Variants in DLG2 observed in about 807,000 individuals in gnomAD.
DLG2 encodes the protein discs large MAGUK scaffold protein 2, also known as disks large homolog 2.
A neutral mutation model predicts 132.5 loss-of-function variants in DLG2; 45 were observed. That is an observed-to-expected ratio of 0.34 (90% CI 0.27 to 0.44). The LOEUF is 0.44. Ranked by LOEUF, DLG2 falls within the 20% of genes least tolerant of loss-of-function variation. The pLI, the probability that DLG2 is intolerant of heterozygous loss-of-function variation, is 1.00. For missense variants in DLG2, 1,045 were observed against 1,196.9 expected (o/e 0.87, Z 1.87); for synonymous variants, 424 against 419.6 (o/e 1.01, Z -0.13).
At chr11:83,850,119 G>A (rs912087439) in intron 16 of DLG2, among the ~76,000 whole-genome samples, 2 of 88,242 alleles carry the variant, frequency 2.3e-5, no homozygotes, top group Non-Finnish European at 4.8e-5. Flanking sequence ...TAACATTTGG[G>A]GTAAGTGTGT....
intron 6 of DLG2, among the ~76,000 whole-genome samples, chr11:84,647,938 T>C (rs2099676918): frequency 6.6e-6 from 1 of 152,218 alleles, no homozygotes; most frequent in South Asian, 2.1e-4. Flanking sequence ...GTGATAGTTA[T>C]GGTGCTTAGT....
intron 3 of DLG2, among the ~76,000 whole-genome samples, chr11:85,595,352 A>G (rs1169501071): frequency 6.6e-6 from 1 of 152,096 alleles, no homozygotes. Context: ...AAGAGACATA[A>G]ATTAATCATA....
intron 3 of DLG2, among the ~76,000 whole-genome samples, chr11:85,387,794 A>G (rs962993238): frequency 1.3e-5 from 2 of 152,192 alleles, no homozygotes; most frequent in Non-Finnish European, 2.9e-5. Context: ...TAAAAGTGGA[A>G]AATCTAGAGG....
intron 5 of DLG2, among the ~76,000 whole-genome samples, chr11:85,152,599 TATCTA>T (rs1361132678): frequency 6.6e-6 from 1 of 152,226 alleles, no homozygotes; most frequent in Non-Finnish European, 1.5e-5. Context: ...AAATTATTAA[TATCTA>T]ATCAGTCTCT....
At position 84,316,714 on chromosome 11, in the gene DLG2, A is replaced by C; in HGVS notation, c.520-65423T>G. ...GGTTTTTCTTGGCCTAATATTTTAC[A>C]TACAGGCATACCCGTGGTACTCTGC... is the stretch of plus-strand genomic sequence containing the variant. On this transcript the variant is annotated intron_variant, in intron 7 of 27. Coordinates refer to ENST00000376104, the MANE Select transcript of DLG2 (RefSeq NM_001142699.3). 6.0e-6 allele frequency: 7 copies of C among 1,162,232 alleles called. No homozygotes were observed. In the South Asian group the frequency reaches 1.1e-4, roughly 19 times the overall value. The allele number at this position is 1,162,232 out of a possible 1,614,324, so 72.0% of individuals were successfully genotyped here.
At chr11:84,598,454 T>C (rs1378294455) in intron 6 of DLG2, among the ~76,000 whole-genome samples, 1 of 152,218 alleles carries the variant, frequency 6.6e-6, no homozygotes, top group Admixed American at 6.5e-5. Flanking sequence ...ACACTGGTGT[T>C]ATGATGCTTA....
rs185138987 is a variant in DLG2 at position 84,728,916 on chromosome 11, T to C, written c.358-194185A>G. Among the ~76,000 whole-genome samples the C allele has an allele frequency of 3.9e-3, 594 of 152,312 alleles. 2 individuals are homozygous for C. Among genetic ancestry groups the C allele is most frequent in the Non-Finnish European group, 7.0e-3 (479 of 68,032 alleles). ...GTATTCTCTGATGGTAGTTTGTATT[T>C]CTGTGGGATCAGTGAGGGTAGCCCC... On this transcript the variant is annotated intron_variant, in intron 6 of 27. Transcript: ENST00000376104.
At chr11:84,327,929 T>C (rs2098440480) in intron 7 of DLG2, among the ~76,000 whole-genome samples, 1 of 152,224 alleles carries the variant, frequency 6.6e-6, no homozygotes, top group Admixed American at 6.5e-5. Flanking sequence ...AGTTAATTTA[T>C]TCAATTGTAT....
intron 10 of DLG2, among the ~76,000 whole-genome samples, chr11:84,071,475 A>T (rs939352110): frequency 3.3e-5 from 5 of 152,128 alleles, no homozygotes; most frequent in African/African-American, 9.6e-5. Flanking sequence ...GCAGGATCAT[A>T]GCTCAGCGCA....
chr11:84,075,287 C>T (rs1329737430), intron 10 of DLG2, among the ~76,000 whole-genome samples: 2 of 152,054 alleles, frequency 1.3e-5, no homozygotes, highest in African/African-American at 4.8e-5. Context: ...ATTTTCTGTC[C>T]AACAGACAGA....
At chr11:84,638,143 C>A (rs959660303) in intron 6 of DLG2, among the ~76,000 whole-genome samples, 4 of 152,190 alleles carry the variant, frequency 2.6e-5, no homozygotes, top group Non-Finnish European at 4.4e-5. Context: ...GTCTTGAAAT[C>A]TTGCCAGATT....
intron 4 of DLG2, among the ~76,000 whole-genome samples, chr11:85,271,880 A>G (rs474992): frequency 0.88 from 133,660 of 152,066 alleles, 59,092 homozygotes; most frequent in Non-Finnish European, 0.93. Flanking sequence ...GCCTTGTCTC[A>G]GATGAAACTT....
chr11:83,885,558 G>C (rs909895249), intron 15 of DLG2, among the ~76,000 whole-genome samples: 1 of 152,166 alleles, frequency 6.6e-6, no homozygotes, highest in African/African-American at 2.4e-5. Flanking sequence ...CCCCAATCTA[G>C]CAAGGCAGGC....
chr11:85,072,683 C>T (rs1593650435), intron 6 of DLG2, among the ~76,000 whole-genome samples: 2 of 151,746 alleles, frequency 1.3e-5, no homozygotes, highest in African/African-American at 2.4e-5. Context: ...GGTTACAGCA[C>T]TAATGGAAGA....
intron 17 of DLG2, among the ~76,000 whole-genome samples, chr11:83,789,748 A>G (rs1175703237): frequency 6.6e-6 from 1 of 152,110 alleles, no homozygotes; most frequent in African/African-American, 2.4e-5. Context: ...GGGTTTCACC[A>G]TGTTGGCCAG....
chr11:85,058,231 C>G (rs1279617451), intron 6 of DLG2, among the ~76,000 whole-genome samples: 1 of 151,354 alleles, frequency 6.6e-6, no homozygotes, highest in Non-Finnish European at 1.5e-5. Context: ...ATATAAAAAT[C>G]AATTGCATTT....
At chr11:84,230,377 T>A (rs2097074487) in intron 8 of DLG2, among the ~76,000 whole-genome samples, 1 of 152,202 alleles carries the variant, frequency 6.6e-6, no homozygotes, top group Admixed American at 6.5e-5. Context: ...GGGGCAATGT[T>A]GATCTTGTTT....
intron 6 of DLG2, among the ~76,000 whole-genome samples, chr11:84,899,668 A>T (rs1302800417): frequency 6.6e-6 from 1 of 152,056 alleles, no homozygotes; most frequent in African/African-American, 2.4e-5. Context: ...ATCTATTCCA[A>T]TTCCCCTAGA....
chr11:83,862,284 T>C (rs1356560942), intron 16 of DLG2, among the ~76,000 whole-genome samples: 1 of 152,142 alleles, frequency 6.6e-6, no homozygotes, highest in African/African-American at 2.4e-5. Context: ...GATCCTGTCA[T>C]TGGCAACAAC....
Sources: allele counts gnomAD v4.1 joint callset (sites outside exome capture counted in the v4.1 genomes callset), GRCh38; gene constraint gnomAD v4.1.1; transcripts MANE v1.5; gene names NCBI Gene and HGNC (gene_info 2026-07-23, HGNC 2026-07-21).